CREB5: variants seen among roughly 807,000 people sequenced by gnomAD.
The protein encoded by CREB5 is cAMP responsive element binding protein 5, also known as cyclic AMP-responsive element-binding protein 5.
Under a neutral mutation model 57.1 loss-of-function variants are expected in CREB5, and 19 were observed. The observed-to-expected ratio is 0.33, with a 90% CI of 0.23 to 0.49. The LOEUF (loss-of-function observed/expected upper bound fraction) is 0.49. Ranked by LOEUF, CREB5 falls within the 20% of genes least tolerant of loss-of-function variation. The pLI, the probability that CREB5 is intolerant of heterozygous loss-of-function variation, is 0.99. For missense variants in CREB5, 579 were observed against 671.6 expected (o/e 0.86, Z 1.52); for synonymous variants, 238 against 238.3 (o/e 1.00, Z 0.01).
intron 4 of CREB5, among the ~76,000 whole-genome samples, chr7:28,514,518 C>G (rs536411096): frequency 6.6e-6 from 1 of 152,298 alleles, no homozygotes; most frequent in East Asian, 1.9e-4. Context: ...GCCTCAGCCT[C>G]CAGAGTAGCT....
intron 4 of CREB5, among the ~76,000 whole-genome samples, chr7:28,526,995 G>A (rs1170421928): frequency 2.0e-5 from 3 of 152,206 alleles, no homozygotes; most frequent in Admixed American, 6.5e-5. Flanking sequence ...CTTATGAAGA[G>A]TGAAATATTA....
Position 28,498,809 on chromosome 7 carries a change from C to T in CREB5, c.169+3810C>T, listed in dbSNP as rs1476615850. On this transcript the variant is annotated intron_variant, in intron 3 of 10. Coordinates refer to ENST00000357727, the MANE Select transcript of CREB5 (RefSeq NM_182898.4). Reference sequence around the variant, plus strand: ...GGTCTTCTCATCTTTATTTGGTCCACGTGATGCATTTCTAGAGCCCTAATG... The same window carrying T: ...GGTCTTCTCATCTTTATTTGGTCCATGTGATGCATTTCTAGAGCCCTAATG... Among the ~76,000 whole-genome samples, 5 of 152,194 alleles carry T rather than the reference C, an allele frequency of 3.3e-5. No individual in the cohort carries two copies. In the South Asian group the frequency reaches 8.3e-4, roughly 25 times the overall value.
intron 4 of CREB5, among the ~76,000 whole-genome samples, chr7:28,538,432 T>A (rs1198218388): frequency 2.0e-5 from 3 of 152,232 alleles, no homozygotes; most frequent in African/African-American, 4.8e-5. Flanking sequence ...TATCTTTTGG[T>A]GGCATATGTA....
chr7:28,314,843 C>T (rs1434370242), intron 1 of CREB5, among the ~76,000 whole-genome samples: 1 of 152,178 alleles, frequency 6.6e-6, no homozygotes, highest in Non-Finnish European at 1.5e-5. Flanking sequence ...GCTGTACGGT[C>T]AGTAAATTTG....
intron 1 of CREB5, among the ~76,000 whole-genome samples, chr7:28,319,106 C>T (rs1206429789): frequency 6.6e-6 from 1 of 152,036 alleles, no homozygotes; most frequent in Non-Finnish European, 1.5e-5. Context: ...CTAGAATGTA[C>T]CTTGAGACCT....
At chr7:28,475,250 CTTTTTTTTTTTTTTTTTTTTT>C (rs530903709) in intron 1 of CREB5, among the ~76,000 whole-genome samples, 2 of 59,586 alleles carry the variant, frequency 3.4e-5, no homozygotes, top group African/African-American at 1.5e-4. Context: ...TCAGAAGTTT[CTTTTTTTTTTTTTTTTTTTTT>C]TTTTTTTTTT....
At chr7:28,560,897 C>CGTGCGTGTGTGTGCGTGCGT (rs1554344444) in intron 4 of CREB5, among the ~76,000 whole-genome samples, 13 of 22,522 alleles carry the variant, frequency 5.8e-4, no homozygotes, top group South Asian at 2.4e-3. Context: ...CGTGTGTGTG[C>CGTGCGTGTGTGTGCGTGCGT]GTGCGCGCGT....
chr7:28,452,512 G>A (rs79553298), intron 1 of CREB5, among the ~76,000 whole-genome samples: 10,143 of 152,242 alleles, frequency 0.067, 543 homozygotes, highest in East Asian at 0.28. Flanking sequence ...GGTAAAAAGC[G>A]TTTAACTATA....
At chr7:28,526,168 G>A (rs985863337) in intron 4 of CREB5, among the ~76,000 whole-genome samples, 1 of 152,176 alleles carries the variant, frequency 6.6e-6, no homozygotes, top group Non-Finnish European at 1.5e-5. Context: ...AAACTCAGAG[G>A]TGGGTTAGTG....
At chr7:28,495,682 C>G (rs1473372443) in intron 3 of CREB5, among the ~76,000 whole-genome samples, 1 of 152,146 alleles carries the variant, frequency 6.6e-6, no homozygotes, top group Non-Finnish European at 1.5e-5. Flanking sequence ...CACAATATAG[C>G]ATGCATGTGA....
Position 28,326,188 on chromosome 7 carries a change from TCTATCTATCTATCTATCTATCTAC to T in CREB5, c.-25+26758_-25+26781del, listed in dbSNP as rs929452382. Among the ~76,000 whole-genome samples, 23 of 150,978 alleles carry T rather than the reference TCTATCTATCTATCTATCTATCTAC, an allele frequency of 1.5e-4. No homozygotes were observed. The South Asian group carries it at 1.7e-3, about 11-fold the overall frequency. ...ATCTATCTATCTATCTATCTATCTA[TCTATCTATCTATCTATCTATCTAC>T]CTATCTATCTTGAAAAACATGAGTT... On this transcript the variant is annotated intron_variant, in intron 1 of 9. Coordinates refer to the CREB5 transcript ENST00000396299.
intron 1 of CREB5, among the ~76,000 whole-genome samples, chr7:28,472,118 A>G (rs999772920): frequency 2.0e-5 from 3 of 151,194 alleles, no homozygotes; most frequent in East Asian, 2.0e-4. Flanking sequence ...GTCTCTAGCC[A>G]CTAAACCCAA....
chr7:28,343,168 C>T (rs1785970478), intron 1 of CREB5, among the ~76,000 whole-genome samples: 1 of 152,138 alleles, frequency 6.6e-6, no homozygotes. Context: ...TCTCGATCTC[C>T]TGACTTTGTG....
chr7:28,360,823 G>A (rs912984896), intron 1 of CREB5, among the ~76,000 whole-genome samples: 8 of 152,180 alleles, frequency 5.3e-5, no homozygotes, highest in Non-Finnish European at 7.3e-5. Flanking sequence ...GGTTGGTACT[G>A]GTCTGGGAGC....
At chr7:28,550,773 T>G (rs748298519) in intron 4 of CREB5, among the ~76,000 whole-genome samples, 3 of 152,222 alleles carry the variant, frequency 2.0e-5, no homozygotes, top group Admixed American at 6.5e-5. Context: ...CACTGTAACA[T>G]TGTGGTGAAT....
At chr7:28,793,938 A>T (rs1201532233) in intron 7 of CREB5, among the ~76,000 whole-genome samples, 1 of 152,134 alleles carries the variant, frequency 6.6e-6, no homozygotes, top group Non-Finnish European at 1.5e-5. Context: ...TTTGCCAAAT[A>T]ATTAGGTCAC....
At chr7:28,584,177 CTT>C (rs1796228138) in intron 5 of CREB5, among the ~76,000 whole-genome samples, 3 of 152,126 alleles carry the variant, frequency 2.0e-5, no homozygotes, top group Non-Finnish European at 2.9e-5. Context: ...TGGGACAGTC[CTT>C]TACTTCTTCC....
At chr7:28,560,829 C>CGTGCGT (rs1562797035) in intron 4 of CREB5, among the ~76,000 whole-genome samples, 6 of 65,172 alleles carry the variant, frequency 9.2e-5, no homozygotes, top group Non-Finnish European at 1.2e-4. Flanking sequence ...TGTGCGCGCG[C>CGTGCGT]GCGCGTGTGT....
At chr7:28,622,840 G>A (rs995831576) in intron 5 of CREB5, among the ~76,000 whole-genome samples, 2 of 152,010 alleles carry the variant, frequency 1.3e-5, no homozygotes, top group Non-Finnish European at 2.9e-5. Context: ...GGGTAACATA[G>A]TGAGACCCCC....
Sources: gnomAD v4.1 joint callset for allele counts (sites outside exome capture counted in the v4.1 genomes callset) on GRCh38, gnomAD v4.1.1 for gene constraint, MANE v1.5 for transcripts, NCBI Gene and HGNC (gene_info 2026-07-23, HGNC 2026-07-21) for gene names.